The following CSK variants were observed in gnomAD, a reference collection of about 807,000 sequenced individuals.
CSK encodes the protein C-terminal Src kinase.
Under a neutral mutation model 62.3 loss-of-function variants are expected in CSK, and 7 were observed. The observed-to-expected ratio is 0.11, with a 90% CI of 0.06 to 0.21. The LOEUF (loss-of-function observed/expected upper bound fraction) is 0.21, where lower values mean the gene tolerates loss of function less well. CSK is among the 10% of genes least tolerant of loss of function. The probability of loss-of-function intolerance (pLI) is 1.00; values close to 1 mark genes in which losing one functional copy is unlikely to be tolerated. For synonymous variants in CSK, 237 were observed against 246.0 expected (o/e 0.96, Z 0.34); for missense variants, 294 against 613.5 (o/e 0.48, Z 5.50).
intron 1 of CSK, among the ~76,000 whole-genome samples, chr15:74,790,327 C>T (rs1408495233): frequency 6.6e-6 from 1 of 152,222 alleles, no homozygotes; most frequent in Non-Finnish European, 1.5e-5. Flanking sequence ...CTTGACCTCC[C>T]CTGGCCCTCA....
At position 74,800,486 on chromosome 15, in the gene CSK, C is replaced by T. The variant is rs2063773074; in HGVS notation, c.537C>T (p.Ala179=). Residue 179 remains alanine (A), a synonymous_variant, in exon 6 of 13, where the codon GCC becomes GCT. Transcript: ENST00000220003. ...KPKVMEGTVA[A]QDEFYRSGWA... ...AGGTCATGGAGGGCACAGTGGCGGC[C>T]CAGGATGAGTTCTACCGCAGTGAGT... is the stretch of plus-strand genomic sequence containing the variant. The T allele has an allele frequency of 6.2e-7, 1 of 1,613,952 alleles. No homozygotes were observed. Among genetic ancestry groups the T allele is most frequent in the East Asian group, 2.2e-5 (1 of 44,890 alleles).
In CSK at chr15:74,801,067, G is replaced by A. The variant is rs1448172830; in HGVS notation, c.778G>A (p.Gly260Ser). The A allele has an allele frequency of 1.9e-6, 3 of 1,613,348 alleles. No individual in the cohort carries two copies. In the South Asian group the frequency reaches 3.3e-5, roughly 18 times the overall value. Residue 260 changes from glycine to serine, a missense_variant, in exon 9 of 13, where the codon GGC (glycine) becomes AGC (serine). Coordinates refer to ENST00000220003, the MANE Select transcript of CSK (RefSeq NM_004383.3). ...CCTGGGCGTGATCGTGGAGGAGAAG[G>A]GCGGGCTCTACATCGTCACTGAGTA... ...QLLGVIVEEK[G>S]GLYIVTEYMA...
intron 9 of CSK, among the ~76,000 whole-genome samples, 159 bp downstream of exon 9, chr15:74,801,261 A>G (rs987395570): frequency 2.6e-5 from 4 of 152,180 alleles, no homozygotes; most frequent in African/African-American, 9.7e-5. Context: ...TGACTGTAAC[A>G]TTGGACAAAT....
chr15:74,801,756 G>A lies in CSK; in HGVS notation c.949G>A (p.Ala317Thr). 6.2e-7 allele frequency: 1 copy of A among 1,614,080 alleles called. No individual in the cohort carries two copies. Among genetic ancestry groups the A allele is most frequent in the Non-Finnish European group, 8.5e-7 (1 of 1,180,010 alleles). ...GNNFVHRDLA[A>T]RNVLVSEDNV... ...CAATTTCGTGCATCGAGACCTGGCT[G>A]CCCGCAATGTGCTGGTGTCTGAGGA... Residue 317 changes from alanine (A) to threonine (T), a missense_variant, in exon 11 of 13, where the codon GCC (alanine) becomes ACC (threonine). By Grantham distance (58) the Ala-to-Thr change is moderately conservative. Around this residue, in one of 3 missense-constraint regions of CSK, gnomAD observed 26 missense variants for 98.4 expected, o/e 0.26. Coordinates refer to ENST00000220003, the MANE Select transcript of CSK (RefSeq NM_004383.3).
chr15:74,797,139 G>A (rs1473708155), intron 1 of CSK, among the ~76,000 whole-genome samples: 2 of 152,130 alleles, frequency 1.3e-5, no homozygotes, highest in Admixed American at 1.3e-4. Flanking sequence ...ACCGGGTTTC[G>A]CCATGTTGCC....
At position 74,782,148 on chromosome 15, in the gene CSK, G is replaced by C. The variant is rs2063443134; in HGVS notation, c.-638G>C. On this transcript the variant is annotated 5_prime_UTR_variant, in exon 1 of 13. Coordinates refer to ENST00000220003, the MANE Select transcript of CSK (RefSeq NM_004383.3). The surrounding 1 kb of genome is among the most constrained non-coding windows in gnomAD (Gnocchi z 5.7). ...CCCAGCGGAGCCCTGGGCGAGCCGAGGTTGGCCGCCGCCGCCGCCGAGCCC... is the reference window on the plus strand; with the variant it reads ...CCCAGCGGAGCCCTGGGCGAGCCGACGTTGGCCGCCGCCGCCGCCGAGCCC... The C allele has an allele frequency of 6.7e-6, 1 of 148,872 alleles. No individual in the cohort carries two copies. The highest frequency in any genetic ancestry group is 6.7e-5 in the Admixed American group (1 of 14,850). 9.2% of individuals were successfully genotyped at this position (148,872 alleles called of 1,614,324 possible).
At chr15:74,796,745 C>T (rs1397577907) in intron 1 of CSK, among the ~76,000 whole-genome samples, 1 of 152,156 alleles carries the variant, frequency 6.6e-6, no homozygotes, top group Non-Finnish European at 1.5e-5. Flanking sequence ...AGTGGACCCA[C>T]TTCATGATTG....
chr15:74,799,437 C>T lies in CSK; in HGVS notation c.408C>T (p.Ser136=), dbSNP rs763772785. ...VEHYRIMYHA[S]KLSIDEEVYF... is the part of the protein sequence containing the mutation. ...ACTACCGCATCATGTACCATGCCAG[C>T]AAGCTCAGCATCGACGAGGAGGTGT... Residue 136 remains serine, a synonymous_variant, in exon 5 of 13, where the codon AGC becomes AGT. Transcript: ENST00000220003. The T allele has an allele frequency of 6.2e-7, 1 of 1,613,602 alleles. No individual in the cohort carries two copies. Among genetic ancestry groups the T allele is most frequent in the Non-Finnish European group, 8.5e-7 (1 of 1,180,016 alleles).
intron 5 of CSK, 41 bp downstream of exon 5, chr15:74,799,532 A>T: frequency 6.4e-7 from 1 of 1,572,248 alleles, no homozygotes; most frequent in South Asian, 1.1e-5. Context: ...ACCCTCACAC[A>T]CCCTAAACCC....
chr15:74,802,487 A>G lies in CSK; in HGVS notation c.1327A>G (p.Ile443Val). Reference protein sequence around the residue: ...FLQLREQLEHIKTHELHL With the variant: ...FLQLREQLEHVKTHELHL ...ACAGCTCCGAGAGCAGCTTGAGCAC[A>G]TCAAAACCCACGAGCTGCACCTGTG... Residue 443 changes from isoleucine to valine, a missense_variant, in exon 13 of 13, where the codon ATC becomes GTC. Around this residue, in one of 3 missense-constraint regions of CSK, gnomAD observed 66 missense variants for 99.3 expected, o/e 0.66. Coordinates refer to ENST00000220003, the MANE Select transcript of CSK (RefSeq NM_004383.3). 1 of 1,612,254 alleles carries G rather than the reference A, an allele frequency of 6.2e-7. No individual in the cohort carries two copies. Among genetic ancestry groups the G allele is most frequent in the Non-Finnish European group, 8.5e-7 (1 of 1,179,620 alleles).
At chr15:74,786,013 T>TTTTTTTTTTTTTG in intron 1 of CSK, among the ~76,000 whole-genome samples, 3 of 47,840 alleles carry the variant, frequency 6.3e-5, no homozygotes, top group African/African-American at 1.3e-4. Flanking sequence ...TTTTTTTTTT[T>TTTTTTTTTTTTTG]TGTGTGTGTG....
At chr15:74,791,639 A>G (rs1037965682) in intron 1 of CSK, among the ~76,000 whole-genome samples, 3 of 152,162 alleles carry the variant, frequency 2.0e-5, no homozygotes, top group Admixed American at 2.0e-4. Flanking sequence ...CATTTATTGA[A>G]TCTTGTCATG....
intron 1 of CSK, among the ~76,000 whole-genome samples, chr15:74,786,013 T>TTTTTTTTTTTTG: frequency 2.1e-5 from 1 of 47,816 alleles, no homozygotes; most frequent in African/African-American, 6.7e-5. Flanking sequence ...TTTTTTTTTT[T>TTTTTTTTTTTTG]TGTGTGTGTG....
chr15:74,797,875 G>T (rs2063730543), intron 1 of CSK: 2 of 171,590 alleles, frequency 1.2e-5, no homozygotes, highest in Non-Finnish European at 2.5e-5. Flanking sequence ...AGATCACATA[G>T]CCCCTTCTCA....
In CSK at chr15:74,801,221, G is replaced by A. The variant is rs560867771; in HGVS notation, c.813+119G>A. The A allele has an allele frequency of 4.5e-6, 5 of 1,122,262 alleles. No individual in the cohort carries two copies. In the East Asian group the frequency reaches 1.2e-4, roughly 27 times the overall value. The allele number at this position is 1,122,262 out of a possible 1,614,324, so 69.5% of individuals were successfully genotyped here. A position where few individuals can be genotyped will look rare whatever the true frequency, so the allele number is the denominator to read the frequency against. On this transcript the variant is annotated intron_variant, in intron 9 of 12. Coordinates refer to ENST00000220003, the MANE Select transcript of CSK (RefSeq NM_004383.3). ...CCAAGTGAGCTTTTAGGTCACCAGG[G>A]CTGGGCTTTTGTCCTGGTTTACCAT...
intron 1 of CSK, among the ~76,000 whole-genome samples, chr15:74,788,956 A>G (rs183470385): frequency 6.6e-6 from 1 of 152,318 alleles, no homozygotes; most frequent in Admixed American, 6.5e-5. Context: ...GCACATAGGT[A>G]ATTAGGCTCC....
chr15:74,786,246 C>G (rs1383709800), intron 1 of CSK, among the ~76,000 whole-genome samples: 1 of 152,008 alleles, frequency 6.6e-6, no homozygotes, highest in African/African-American at 2.4e-5. Flanking sequence ...GTCTCAAACT[C>G]CTGACCTCAG....
chr15:74,796,774 A>G (rs1596371241), intron 1 of CSK, among the ~76,000 whole-genome samples: 2 of 152,238 alleles, frequency 1.3e-5, no homozygotes, highest in Non-Finnish European at 2.9e-5. Flanking sequence ...CAGTCTGAAA[A>G]CCAACCCCAG....
chr15:74,788,214 C>G (rs2063554802), intron 1 of CSK, among the ~76,000 whole-genome samples: 2 of 152,168 alleles, frequency 1.3e-5, no homozygotes, highest in African/African-American at 4.8e-5. Context: ...CTCTTGGCCT[C>G]TCTGAGAGGC....
Sources: gnomAD v4.1 joint callset for allele counts (sites outside exome capture counted in the v4.1 genomes callset) on GRCh38, gnomAD v4.1.1 for gene constraint, gnomAD v4.1.1 regional missense constraint, Gnocchi (gnomAD v3.1) non-coding constraint, MANE v1.5 for transcripts, NCBI Gene and HGNC (gene_info 2026-07-23, HGNC 2026-07-21) for gene names.